Variants in GSPT1 observed in about 807,000 individuals in gnomAD.
GSPT1 encodes eukaryotic peptide chain release factor GTP-binding subunit ERF3A.
A neutral mutation model predicts 72.5 loss-of-function variants in GSPT1; 20 were observed. The observed-to-expected ratio is 0.28, with a 90% CI of 0.19 to 0.40. The LOEUF is 0.40. Among genes scored for constraint, GSPT1 ranks in the 10% least tolerant of loss-of-function variants. The probability of loss-of-function intolerance (pLI) is 1.00; values close to 1 mark genes in which losing one functional copy is unlikely to be tolerated. For synonymous variants in GSPT1, 334 were observed against 293.5 expected (o/e 1.14, Z -1.41); for missense variants, 580 against 811.9 (o/e 0.71, Z 3.47).
chr16:11,915,700 G>A lies in GSPT1; in HGVS notation c.21C>T (p.Gly7=), dbSNP rs911488208. MDPGSG[G]GGGGGGGGGS... Reference sequence around the variant, plus strand: ...CGCCGCCGCCGCCGCCGCCGCCGCCGCCGCCACTGCCCGGATCCATGATCG... The same window carrying A: ...CGCCGCCGCCGCCGCCGCCGCCGCCACCGCCACTGCCCGGATCCATGATCG... Residue 7 remains glycine (G), a synonymous_variant, in exon 1 of 15, where the codon GGC becomes GGT. Transcript: ENST00000434724. The A allele has an allele frequency of 6.7e-7, 1 of 1,486,960 alleles. No individual in the cohort carries two copies. The highest frequency in any genetic ancestry group is 8.9e-7 in the Non-Finnish European group (1 of 1,126,274). The allele number at this position is 1,486,960 out of a possible 1,614,324, so 92.1% of individuals were successfully genotyped here. A position where few individuals can be genotyped will look rare whatever the true frequency, so the allele number is the denominator to read the frequency against.
rs1413063832 is a variant in GSPT1 at position 11,915,538 on chromosome 16, G to A, written c.183C>T (p.Leu61=). ...TGAGTTGCCGGCTGAAGGCCGCGCT[G>A]AGGTTCTCCCGCTGGGCCTCGGCCG... is the stretch of plus-strand genomic sequence containing the variant. The part of the protein sequence containing the change: ...AAAAEAQREN[L]SAAFSRQLNV... The change falls in exon 1 of 15, where the codon CTC becomes CTT. Residue 61 remains leucine (L), a synonymous_variant. Transcript: ENST00000434724. The A allele has an allele frequency of 6.6e-7, 1 of 1,510,080 alleles. No homozygotes were observed. The allele number at this position is 1,510,080 out of a possible 1,614,324, so 93.5% of individuals were successfully genotyped here.
chr16:11,869,663 G>T lies in GSPT1; in HGVS notation c.*3456C>A. On this transcript the variant is annotated 3_prime_UTR_variant, in exon 15 of 15. Coordinates refer to ENST00000434724, the MANE Select transcript of GSPT1 (RefSeq NM_002094.4). ...TGACTACCTTAAATCCCTACCCAAA[G>T]CAATGAAGCTATCATCCATGAAGTA... The T allele has an allele frequency of 6.6e-6, 1 of 152,308 alleles. No individual in the cohort carries two copies. The highest frequency in any genetic ancestry group is 2.4e-5 in the African/African-American group (1 of 41,562). The allele number at this position is 152,308 out of a possible 1,614,324, so 9.4% of individuals were successfully genotyped here.
intron 14 of GSPT1, among the ~76,000 whole-genome samples, chr16:11,873,423 T>C (rs1418150788): frequency 6.6e-6 from 1 of 152,140 alleles, no homozygotes; most frequent in Non-Finnish European, 1.5e-5. Context: ...ACAATTCTCC[T>C]GCCTCATCCT....
chr16:11,894,872 GT>G, intron 5 of GSPT1, 81 bp downstream of exon 5: 1 of 829,858 alleles, frequency 1.2e-6, no homozygotes, highest in Non-Finnish European at 2.0e-6. Flanking sequence ...TATCTCCTTT[GT>G]GTGACTGTAT....
intron 6 of GSPT1, among the ~76,000 whole-genome samples, chr16:11,890,048 C>T (rs1452977320): frequency 2.0e-5 from 3 of 151,760 alleles, no homozygotes; most frequent in African/African-American, 7.3e-5. Context: ...GCAACCTCCG[C>T]CTCCCGGGTT....
rs1363672221 is a variant in GSPT1 at position 11,891,143 on chromosome 16, A to G, written c.699-4T>C. ...GTCAACCATTCCAGTCAAATACCTG[A>G]AAACATTTAAAGAAAAAAAAAAGTA... is the stretch of plus-strand genomic sequence containing the variant. On this transcript the variant is annotated splice_polypyrimidine_tract_variant and splice_region_variant and intron_variant, in intron 5 of 14. Transcript: ENST00000434724. 2.1e-6 allele frequency: 3 copies of G among 1,403,778 alleles called. No individual in the cohort carries two copies. Among genetic ancestry groups the G allele is most frequent in the Non-Finnish European group, 2.9e-6 (3 of 1,030,312 alleles). 87.0% of individuals were successfully genotyped at this position (1,403,778 alleles called of 1,614,324 possible). A position where few individuals can be genotyped will look rare whatever the true frequency, so the allele number is the denominator to read the frequency against.
At chr16:11,891,268 T>C in intron 5 of GSPT1, 129 bp from the exon 6 acceptor site, 1 of 292,670 alleles carries the variant, frequency 3.4e-6, no homozygotes. Context: ...TGTGTCTGTC[T>C]AAAAAAATAT....
At chr16:11,914,631 T>G (rs1286602251) in intron 1 of GSPT1, among the ~76,000 whole-genome samples, 3 of 152,206 alleles carry the variant, frequency 2.0e-5, no homozygotes, top group African/African-American at 7.2e-5. Context: ...TCTAAACGTG[T>G]CGCTGACAAA....
intron 5 of GSPT1, among the ~76,000 whole-genome samples, chr16:11,893,480 G>GA (rs577694480): frequency 6.7e-6 from 1 of 150,274 alleles, no homozygotes. Flanking sequence ...CTATAGAAAA[G>GA]AAAAAAAAAT....
At chr16:11,902,652 G>A (rs1458301434) in intron 1 of GSPT1, among the ~76,000 whole-genome samples, 2 of 151,086 alleles carry the variant, frequency 1.3e-5, no homozygotes, top group African/African-American at 4.9e-5. Context: ...CACTATCGCA[G>A]TCTCGGCTCA....
At position 11,876,140 on chromosome 16, in the gene GSPT1, T is replaced by C; in HGVS notation, c.1638A>G (p.Pro546=). The C allele has an allele frequency of 6.2e-7, 1 of 1,608,924 alleles. No homozygotes were observed. ...VIIEHKSIIC[P]GYNAVLHIHT... The stretch of plus-strand genomic sequence containing the variant: ...GAATATGCAGCACCGCATTATAGCC[T>C]GGGCAGATGATGGATTTGTGCTCTA... Residue 546 remains proline, a synonymous_variant, in exon 13 of 15, where the codon CCA becomes CCG. Transcript: ENST00000434724.
intron 1 of GSPT1, among the ~76,000 whole-genome samples, chr16:11,905,806 C>CCA (rs1414394197): frequency 1.3e-5 from 2 of 151,908 alleles, no homozygotes; most frequent in East Asian, 3.9e-4. Context: ...TCACTGCACT[C>CCA]CAGCCTGGGC....
Position 11,875,877 on chromosome 16 carries a change from G to A in GSPT1, c.1745C>T (p.Pro582Leu). 2 of 1,613,626 alleles carry A rather than the reference G, an allele frequency of 1.2e-6. No homozygotes were observed. The highest frequency in any genetic ancestry group is 8.5e-7 in the Non-Finnish European group (1 of 1,179,780). ...TACTTGATCTTGTTTGACAAAACGGGGTCGGGTCTTACTTTTTTCTCCTGA... is the reference window on the plus strand; with the variant it reads ...TACTTGATCTTGTTTGACAAAACGGAGTCGGGTCTTACTTTTTTCTCCTGA... ...KKSGEKSKTRPRFVKQDQVCI... is the reference protein window; with the variant it reads ...KKSGEKSKTRLRFVKQDQVCI... Residue 582 changes from proline to leucine, a missense_variant, in exon 14 of 15, where the codon CCC becomes CTC. By Grantham distance (98) the Pro-to-Leu change is moderately conservative. Coordinates refer to ENST00000434724, the MANE Select transcript of GSPT1 (RefSeq NM_002094.4).
intron 1 of GSPT1, among the ~76,000 whole-genome samples, chr16:11,910,221 G>A (rs767893742): frequency 2.6e-5 from 4 of 152,230 alleles, no homozygotes; most frequent in Non-Finnish European, 5.9e-5. Context: ...AGAACAGTGA[G>A]CAGATAATAG....
At chr16:11,911,059 C>G (rs2054551048) in intron 1 of GSPT1, among the ~76,000 whole-genome samples, 1 of 152,198 alleles carries the variant, frequency 6.6e-6, no homozygotes, top group Admixed American at 6.5e-5. Flanking sequence ...TCTCCTCTAC[C>G]CCATCTGCTG....
chr16:11,868,923 T>C lies in GSPT1; in HGVS notation c.*4196A>G, dbSNP rs1192386256. On this transcript the variant is annotated 3_prime_UTR_variant, in exon 15 of 15. Transcript: ENST00000434724. The stretch of plus-strand genomic sequence containing the variant: ...TATTGGAGAACATAAAGGTTTTAAT[T>C]AATCTCCACTCCCACACCTTCAGGC... The C allele has an allele frequency of 1.3e-5, 2 of 152,212 alleles. No individual in the cohort carries two copies. The highest frequency in any genetic ancestry group is 4.8e-5 in the African/African-American group (2 of 41,460). The allele number at this position is 152,212 out of a possible 1,614,324, so 9.4% of individuals were successfully genotyped here.
At chr16:11,874,454 CTTTTTTT>C (rs200991035) in intron 14 of GSPT1, among the ~76,000 whole-genome samples, 12 of 95,892 alleles carry the variant, frequency 1.3e-4, no homozygotes, top group African/African-American at 3.8e-4. Flanking sequence ...GCCAAGTTAG[CTTTTTTT>C]TTTTTTTTTT....
chr16:11,885,222 C>T lies in GSPT1; in HGVS notation c.1306G>A (p.Val436Ile), dbSNP rs2054173485. 2 of 1,599,684 alleles carry T rather than the reference C, an allele frequency of 1.3e-6. No individual in the cohort carries two copies. The highest frequency in any genetic ancestry group is 1.1e-5 in the South Asian group (1 of 90,750). Residue 436 changes from valine to isoleucine, a missense_variant, in exon 10 of 15, where the codon GTT becomes ATT. Physicochemically the swap from Val to Ile is conservative, Grantham distance 29. Transcript: ENST00000434724. ...ATTGGCAGCCTGATTGGTCCATCAA[C>T]TGATCTATTGAAGTTCGGCAAATTA... ...LDNLPNFNRS[V>I]DGPIRLPIVD...
chr16:11,879,542 G>C, intron 11 of GSPT1, among the ~76,000 whole-genome samples: 1 of 151,948 alleles, frequency 6.6e-6, no homozygotes, highest in East Asian at 1.9e-4. Context: ...AGACCAGCCT[G>C]GCCAACACGG....
Sources: gnomAD v4.1 joint callset for allele counts (sites outside exome capture counted in the v4.1 genomes callset) on GRCh38, gnomAD v4.1.1 for gene constraint, MANE v1.5 for transcripts, NCBI Gene and HGNC (gene_info 2026-07-23, HGNC 2026-07-21) for gene names.